Variants in CLVS1 observed in about 807,000 individuals in gnomAD.
CLVS1 encodes clavesin-1.
A neutral mutation model predicts 33.1 loss-of-function variants in CLVS1; 10 were observed. The ratio of observed to expected loss-of-function variants is 0.30; its 90% CI spans 0.19 to 0.51. CLVS1 has a LOEUF of 0.51. CLVS1 is among the 20% of genes least tolerant of loss of function. The pLI, the probability that CLVS1 is intolerant of heterozygous loss-of-function variation, is 0.97. For missense variants in CLVS1, 343 were observed against 433.4 expected, an observed-to-expected ratio of 0.79 and a Z score of 1.85; for synonymous variants, 163 against 166.1, an observed-to-expected ratio of 0.98 and a Z score of 0.14.
chr8:61,140,679 C>T (rs2129292989), intron 2 of CLVS1, among the ~76,000 whole-genome samples: 1 of 152,302 alleles, frequency 6.6e-6, no homozygotes, highest in South Asian at 2.1e-4. Flanking sequence ...TCTCCTGCCT[C>T]AGCCTCCCGA....
chr8:61,157,810 A>G (rs1806679374), intron 2 of CLVS1, among the ~76,000 whole-genome samples: 1 of 152,204 alleles, frequency 6.6e-6, no homozygotes, highest in Non-Finnish European at 1.5e-5. Context: ...TCATTTAAGA[A>G]ATGCAAATTA....
chr8:61,472,297 C>A (rs1360566121), intron 5 of CLVS1, among the ~76,000 whole-genome samples: 1 of 151,844 alleles, frequency 6.6e-6, no homozygotes, highest in Non-Finnish European at 1.5e-5. Flanking sequence ...CTCACTTATT[C>A]CCTAGTATAT....
intron 1 of CLVS1, among the ~76,000 whole-genome samples, chr8:61,082,610 ATACCT>A (rs1175989479): frequency 2.0e-5 from 3 of 152,250 alleles, no homozygotes; most frequent in Non-Finnish European, 4.4e-5. Flanking sequence ...GGGTGGGGAA[ATACCT>A]TACCTAGAGA....
intron 1 of CLVS1, among the ~76,000 whole-genome samples, chr8:61,112,398 G>A (rs1292673815): frequency 6.6e-6 from 1 of 152,020 alleles, no homozygotes; most frequent in Non-Finnish European, 1.5e-5. Flanking sequence ...CATTTCTATT[G>A]GCCTATCATT....
rs1804744001 is a variant in CLVS1, at chr8:61,500,830, T to C, written c.*1288T>C. 1 of 152,190 alleles carries C rather than the reference T, an allele frequency of 6.6e-6. No homozygotes were observed. Among genetic ancestry groups the C allele is most frequent in the African/African-American group, 2.4e-5 (1 of 41,458 alleles). The allele number at this position is 152,190 out of a possible 1,614,324, so 9.4% of individuals were successfully genotyped here. On this transcript the variant is annotated 3_prime_UTR_variant, in exon 6 of 6. Coordinates refer to ENST00000325897, the MANE Select transcript of CLVS1 (RefSeq NM_173519.3). Reference sequence around the variant, plus strand: ...GCAGTAAAATATGATTTTACATTATTTTAAATATTTGGGAGAGTTAATTTG... The same window carrying C: ...GCAGTAAAATATGATTTTACATTATCTTAAATATTTGGGAGAGTTAATTTG...
intron 2 of CLVS1, among the ~76,000 whole-genome samples, chr8:61,270,082 C>G (rs988190144): frequency 5.3e-5 from 8 of 152,236 alleles, no homozygotes; most frequent in Non-Finnish European, 7.4e-5. Context: ...GGGCATCCCT[C>G]TCTTGTGCCA....
intron 5 of CLVS1, among the ~76,000 whole-genome samples, chr8:61,470,670 C>T (rs17788825): frequency 0.074 from 11,182 of 152,076 alleles, 468 homozygotes; most frequent in Non-Finnish European, 0.097. Context: ...TCTTAGGAGC[C>T]GTAATGAGCA....
At chr8:61,183,893 T>C (rs571434761) in intron 2 of CLVS1, among the ~76,000 whole-genome samples, 1 of 152,296 alleles carries the variant, frequency 6.6e-6, no homozygotes, top group Non-Finnish European at 1.5e-5. Flanking sequence ...TAGGGTATAA[T>C]AAAAGACATG....
intron 3 of CLVS1, among the ~76,000 whole-genome samples, chr8:61,449,281 C>G (rs142404433): frequency 8.8e-4 from 134 of 152,240 alleles, no homozygotes; most frequent in South Asian, 2.1e-3. Context: ...CAATTAGTCC[C>G]CTTCCAACAC....
At chr8:61,067,483 T>A (rs781729299) in intron 1 of CLVS1, among the ~76,000 whole-genome samples, 1 of 148,920 alleles carries the variant, frequency 6.7e-6, no homozygotes, top group African/African-American at 2.4e-5. Context: ...ATTATTATAA[T>A]GATATATTAA....
At chr8:61,058,800 C>CT (rs1330865264) in intron 1 of CLVS1, among the ~76,000 whole-genome samples, 2 of 151,824 alleles carry the variant, frequency 1.3e-5, no homozygotes, top group Non-Finnish European at 2.9e-5. Flanking sequence ...AGTGTATATT[C>CT]TTTTTTTGTC....
Position 61,267,199 on chromosome 8 carries a change from A to G in CLVS1, c.-151-32478A>G, listed in dbSNP as rs1809326293. Among the ~76,000 whole-genome samples, 4 of 152,350 alleles carry G rather than the reference A, an allele frequency of 2.6e-5. No individual in the cohort carries two copies. In the South Asian group the frequency reaches 8.3e-4, roughly 32 times the overall value. ...TCCTTCACAGCATACCACCAGCAAGAAAGATAAGCGTAGTGTGGGGGCATG... is the reference window on the plus strand; with the variant it reads ...TCCTTCACAGCATACCACCAGCAAGGAAGATAAGCGTAGTGTGGGGGCATG... On this transcript the variant is annotated intron_variant, in intron 2 of 2. Coordinates refer to the CLVS1 transcript ENST00000522621.
chr8:61,302,803 T>C (rs1810483068), intron 2 of CLVS1, among the ~76,000 whole-genome samples: 1 of 152,132 alleles, frequency 6.6e-6, no homozygotes, highest in Non-Finnish European at 1.5e-5. Flanking sequence ...TAGAAAGCAT[T>C]GCGAGGGAGG....
At chr8:61,244,053 G>A (rs1808754342) in intron 2 of CLVS1, among the ~76,000 whole-genome samples, 1 of 152,148 alleles carries the variant, frequency 6.6e-6, no homozygotes, top group Non-Finnish European at 1.5e-5. Context: ...AACGCACAGA[G>A]TGGTGAAAAA....
At chr8:61,129,707 A>C (rs1232065284) in intron 1 of CLVS1, among the ~76,000 whole-genome samples, 1 of 152,140 alleles carries the variant, frequency 6.6e-6, no homozygotes, top group Non-Finnish European at 1.5e-5. Context: ...GGCCTCTTTT[A>C]TGAGGGCACT....
chr8:61,283,813 A>C (rs1264769465), upstream of CLVS1, among the ~76,000 whole-genome samples: 1 of 152,214 alleles, frequency 6.6e-6, no homozygotes, highest in African/African-American at 2.4e-5. Context: ...TTAAAAAATA[A>C]ATTGTGTAGT....
At chr8:61,132,553 C>T (rs1355750977) in intron 2 of CLVS1, among the ~76,000 whole-genome samples, 2 of 152,188 alleles carry the variant, frequency 1.3e-5, no homozygotes, top group African/African-American at 2.4e-5. Flanking sequence ...AAGAGAATCC[C>T]TGTCTTTTGT....
chr8:61,143,666 A>G (rs1806355901), intron 2 of CLVS1, among the ~76,000 whole-genome samples: 1 of 151,418 alleles, frequency 6.6e-6, no homozygotes, highest in Non-Finnish European at 1.5e-5. Flanking sequence ...TTCTGCACCT[A>G]ATTTTAAAAA....
intron 2 of CLVS1, among the ~76,000 whole-genome samples, chr8:61,249,209 T>C (rs991208847): frequency 1.3e-5 from 2 of 152,196 alleles, no homozygotes; most frequent in Admixed American, 1.3e-4. Flanking sequence ...CTGAGAATTA[T>C]GGTTTCCAGC....
Sources: allele counts gnomAD v4.1 joint callset (sites outside exome capture counted in the v4.1 genomes callset), GRCh38; gene constraint gnomAD v4.1.1; transcripts MANE v1.5; gene names NCBI Gene and HGNC (gene_info 2026-07-23, HGNC 2026-07-21).